DNAH3: variants seen among roughly 807,000 people sequenced by gnomAD.
DNAH3 encodes the protein dynein axonemal heavy chain 3.
In DNAH3, 332 loss-of-function variants were observed where a neutral mutation model predicts 432.5. That is an observed-to-expected ratio of 0.77 (90% CI 0.70 to 0.84). DNAH3 has a LOEUF of 0.84. Among genes scored for constraint, DNAH3 ranks in the 40% least tolerant of loss-of-function variants. The pLI is 0.00. For missense variants in DNAH3, 4,861 were observed against 5,114.0 expected (o/e 0.95, Z 1.51); for synonymous variants, 1,956 against 1,900.2 (o/e 1.03, Z -0.76).
chr16:21,085,374 T>A (rs1431359048), intron 19 of DNAH3, among the ~76,000 whole-genome samples: 1 of 151,694 alleles, frequency 6.6e-6, no homozygotes, highest in Non-Finnish European at 1.5e-5. Flanking sequence ...TGAAACCCCA[T>A]CTCTACTAAA....
intron 11 of DNAH3, chr16:21,120,664 G>C (rs1193254924): frequency 1.8e-6 from 2 of 1,127,792 alleles, no homozygotes. Context: ...ATTCACATAG[G>C]CCTTGTTTTC....
intron 23 of DNAH3, among the ~76,000 whole-genome samples, chr16:21,068,540 C>T (rs2090661384): frequency 6.6e-6 from 1 of 152,302 alleles, no homozygotes; most frequent in Non-Finnish European, 1.5e-5. Context: ...GTCTCCAACT[C>T]CTGAACTCAA....
At chr16:20,937,477 T>C (rs2083635729) in intron 59 of DNAH3, among the ~76,000 whole-genome samples, 2 of 151,978 alleles carry the variant, frequency 1.3e-5, no homozygotes, top group Admixed American at 6.6e-5. Context: ...TATTTCTAGG[T>C]CAAAGAGCAC....
At chr16:20,974,659 G>A (rs1238755491) in intron 51 of DNAH3, among the ~76,000 whole-genome samples, 1 of 143,258 alleles carries the variant, frequency 7.0e-6, no homozygotes, top group Admixed American at 7.2e-5. Context: ...AGGCTCTGGC[G>A]ATCCTCCTGC....
intron 31 of DNAH3, among the ~76,000 whole-genome samples, chr16:21,049,247 A>G (rs933960935): frequency 6.6e-6 from 1 of 152,124 alleles, no homozygotes; most frequent in Non-Finnish European, 1.5e-5. Flanking sequence ...TACAGGTGTG[A>G]GCCTCTGTGC....
chr16:21,150,339 G>C lies in DNAH3; in HGVS notation c.118-4251C>G, dbSNP rs1397252696. 3 of 453,758 alleles carry C rather than the reference G, an allele frequency of 6.6e-6. No individual in the cohort carries two copies. In the Admixed American group the frequency reaches 7.2e-5, roughly 11 times the overall value. 28.1% of individuals were successfully genotyped at this position (453,758 alleles called of 1,614,324 possible). A position where few individuals can be genotyped will look rare whatever the true frequency, so the allele number is the denominator to read the frequency against. On this transcript the variant is annotated intron_variant, in intron 1 of 61. Coordinates refer to ENST00000261383, the Ensembl canonical transcript of DNAH3. The stretch of plus-strand genomic sequence containing the variant: ...ACCCATGGTGTCCACTCTAATTGTA[G>C]CTATTTTTTTAAAATGAATAAAGAG...
At position 20,979,350 on chromosome 16, in the gene DNAH3, G is replaced by A. The variant is rs775219821; in HGVS notation, c.8056C>T (p.Leu2686Phe). 10 of 1,613,974 alleles carry A rather than the reference G, an allele frequency of 6.2e-6. No homozygotes were observed. In the Admixed American group the frequency reaches 6.7e-5, roughly 11 times the overall value. ...CTCACCTGAGAAGCTGCAAAGTCGA[G>A]TTTCTGCAAGCCTGTCAGGTAGCGG... Residue 2686 changes from leucine to phenylalanine, a missense_variant, in exon 50 of 62, where the codon CTC (leucine) becomes TTC (phenylalanine). Physicochemically the swap from Leu to Phe is conservative, Grantham distance 22 (BLOSUM62 0). Coordinates refer to ENST00000261383, the Ensembl canonical transcript of DNAH3.
At chr16:21,124,975 G>A (rs1297313671) in intron 9 of DNAH3, among the ~76,000 whole-genome samples, 200 bp downstream of exon 10, 1 of 152,098 alleles carries the variant, frequency 6.6e-6, no homozygotes, top group Non-Finnish European at 1.5e-5. Context: ...GTGTGTGTGT[G>A]TGTTGGGAAC....
At position 20,983,709 on chromosome 16, in the gene DNAH3, G is replaced by T. The variant is rs112968436; in HGVS notation, c.7666-795C>A. Among the ~76,000 whole-genome samples the T allele has an allele frequency of 1.2e-4, 18 of 152,070 alleles. 1 individual carries two copies. Among genetic ancestry groups the T allele is most frequent in the African/African-American group, 4.3e-4 (18 of 41,484 alleles). On this transcript the variant is annotated intron_variant, in intron 48 of 61. Coordinates refer to ENST00000261383, the Ensembl canonical transcript of DNAH3. ...CATGATGTCTAGGTGGAAGTGAAAG[G>T]TCACTGTGGGTAAAGAACAGAGGCC...
chr16:20,966,735 T>C (rs2085081458), intron 52 of DNAH3, among the ~76,000 whole-genome samples: 1 of 152,144 alleles, frequency 6.6e-6, no homozygotes, highest in Admixed American at 6.5e-5. Context: ...GTTTCGAATA[T>C]CCTTCCCTAG....
exon 53 of DNAH3, chr16:20,963,587 G>A: frequency 6.2e-7 from 1 of 1,614,070 alleles, no homozygotes; most frequent in Non-Finnish European, 8.5e-7. Context: ...ATCAGGCCAT[G>A]CAGTTTGGGT....
chr16:20,971,195 T>C (rs1172279411), intron 51 of DNAH3, among the ~76,000 whole-genome samples: 1 of 147,538 alleles, frequency 6.8e-6, no homozygotes, highest in East Asian at 2.0e-4. Context: ...ACAAATCACT[T>C]TTTTTTTTTC....
chr16:21,122,977 AG>A (rs2092375758), intron 9 of DNAH3, among the ~76,000 whole-genome samples: 1 of 152,008 alleles, frequency 6.6e-6, no homozygotes, highest in Non-Finnish European at 1.5e-5. Flanking sequence ...TCTCTCTGGT[AG>A]GAATTTATAT....
rs373581884 is a variant in DNAH3, at chr16:21,051,426, C to T, written c.4238+244G>A. On this transcript the variant is annotated intron_variant, in intron 29 of 61. Transcript: ENST00000261383. ...TACGTTAAGTCCTGTGTCATGTTCA[C>T]GGATGTGCACCAATATTCCACTTGT... 2.3e-3 allele frequency among the ~76,000 whole-genome samples: 353 copies of T among 152,312 alleles called. 7 individuals carry two copies. In the South Asian group the frequency reaches 0.044, roughly 19 times the overall value.
chr16:20,995,112 G>A (rs2086708793), intron 44 of DNAH3, among the ~76,000 whole-genome samples: 1 of 151,826 alleles, frequency 6.6e-6, no homozygotes, highest in African/African-American at 2.4e-5. Flanking sequence ...ATTTTTTGTT[G>A]TTGTTGTATT....
At chr16:20,961,757 G>GTTT (rs753578799) in intron 53 of DNAH3, among the ~76,000 whole-genome samples, 15 of 123,392 alleles carry the variant, frequency 1.2e-4, no homozygotes, top group South Asian at 2.8e-4. Flanking sequence ...TAAATTTCTG[G>GTTT]TTTTTTTTTT....
At chr16:21,152,078 T>C (rs577227966) in intron 1 of DNAH3, among the ~76,000 whole-genome samples, 1 of 151,956 alleles carries the variant, frequency 6.6e-6, no homozygotes, top group Admixed American at 6.6e-5. Flanking sequence ...CTACTAAAAA[T>C]ACAAAATTAG....
chr16:21,024,538 C>G (rs943502134), intron 39 of DNAH3, 58 bp downstream of exon 39: 1 of 1,312,022 alleles, frequency 7.6e-7, no homozygotes, highest in African/African-American at 1.5e-5. Context: ...CTAGAAGACC[C>G]TCGAGATGAA....
chr16:21,056,720 T>C (rs2090149164), intron 27 of DNAH3, among the ~76,000 whole-genome samples: 1 of 152,136 alleles, frequency 6.6e-6, no homozygotes, highest in South Asian at 2.1e-4. Context: ...TCACACAGCA[T>C]GCATGCACAC....
Sources: allele counts gnomAD v4.1 joint callset (sites outside exome capture counted in the v4.1 genomes callset), GRCh38; gene constraint gnomAD v4.1.1; transcripts MANE v1.5; gene names NCBI Gene and HGNC (gene_info 2026-07-23, HGNC 2026-07-21).